SLC7A11: variants seen among roughly 807,000 people sequenced by gnomAD.
The protein encoded by SLC7A11 is cystine/glutamate transporter.
SLC7A11 carries 35 observed loss-of-function variants against 54.5 expected under a neutral mutation model. That is an observed-to-expected ratio of 0.64 (90% confidence interval 0.49 to 0.85). The LOEUF is 0.85. SLC7A11 is among the 40% of genes least tolerant of loss of function. The pLI is 0.00. For missense variants in SLC7A11, 583 were observed against 618.1 expected (o/e 0.94, Z 0.60); for synonymous variants, 230 against 225.2 (o/e 1.02, Z -0.19).
rs1212044228 is a variant in SLC7A11 at position 138,169,371 on chromosome 4, C to T, written c.*2585G>A. 1.3e-5 allele frequency: 2 copies of T among 151,896 alleles called. No individual in the cohort carries two copies. Among genetic ancestry groups the T allele is most frequent in the African/African-American group, 2.4e-5 (1 of 41,376 alleles). 9.4% of individuals were successfully genotyped at this position (151,896 alleles called of 1,614,324 possible). On this transcript the variant is annotated 3_prime_UTR_variant, in exon 12 of 12. Coordinates refer to ENST00000280612, the MANE Select transcript of SLC7A11 (RefSeq NM_014331.4). ...CTCATGATGAGTCCTAAAAATAAGC[C>T]AAAATACTACTTAATCTCCATCACT...
chr4:138,236,385 A>G lies in SLC7A11; in HGVS notation c.344T>C (p.Leu115Ser), dbSNP rs1187319968. 1 of 1,613,526 alleles carries G rather than the reference A, an allele frequency of 6.2e-7. No homozygotes were observed. The highest frequency in any genetic ancestry group is 8.5e-7 in the Non-Finnish European group (1 of 1,179,530). The part of the protein sequence containing the change: ...KKSGGHYTYI[L>S]EVFGPLPAFV... Reference sequence around the variant, plus strand: ...AGCTGGTAATGGACCAAAGACTTCCAAAATATATGTGTAATGACCTCCAGA... The same window carrying G: ...AGCTGGTAATGGACCAAAGACTTCCGAAATATATGTGTAATGACCTCCAGA... Residue 115 changes from leucine (L) to serine (S), a missense_variant, in exon 2 of 12, where the codon TTG becomes TCG. By Grantham distance (145) the Leu-to-Ser change is moderately radical (BLOSUM62 -2). Coordinates refer to ENST00000280612, the MANE Select transcript of SLC7A11 (RefSeq NM_014331.4).
rs536874917 is a variant in SLC7A11, at chr4:138,183,323, G to A, written c.916-18C>T. The A allele has an allele frequency of 7.7e-6, 12 of 1,548,512 alleles. No homozygotes were observed. Among genetic ancestry groups the A allele is most frequent in the South Asian group, 5.7e-5 (5 of 88,320 alleles). On this transcript the variant is annotated intron_variant, in intron 7 of 11. Coordinates refer to ENST00000280612, the MANE Select transcript of SLC7A11 (RefSeq NM_014331.4). Reference sequence around the variant, plus strand: ...GAAAAGGTCTAGTGAAAGAAAGAACGAAGCAAATTAATGCCTTGCCAGAAA... The same window carrying A: ...GAAAAGGTCTAGTGAAAGAAAGAACAAAGCAAATTAATGCCTTGCCAGAAA...
At chr4:138,192,014 T>G (rs907884500) in intron 6 of SLC7A11, among the ~76,000 whole-genome samples, 1 of 152,174 alleles carries the variant, frequency 6.6e-6, no homozygotes, top group Non-Finnish European at 1.5e-5. Context: ...TCTCTTAGGT[T>G]GTTTTTAATT....
intron 6 of SLC7A11, among the ~76,000 whole-genome samples, chr4:138,213,175 G>A (rs1197274148): frequency 2.0e-5 from 3 of 151,976 alleles, no homozygotes; most frequent in Non-Finnish European, 1.5e-5. Flanking sequence ...TGGTAAATAT[G>A]TGTTCTCGAC....
At chr4:138,219,516 A>G (rs1737758177) in intron 4 of SLC7A11, 151 bp from the exon 5 acceptor site, 3 of 570,224 alleles carry the variant, frequency 5.3e-6, no homozygotes. Context: ...TACTGTACCC[A>G]TTCTATAGAA....
intron 3 of SLC7A11, among the ~76,000 whole-genome samples, chr4:138,228,481 G>A (rs11722075): frequency 0.41 from 62,452 of 151,820 alleles, 13,699 homozygotes; most frequent in Middle Eastern, 0.61. Context: ...ATTACAGGTC[G>A]GGCGCGATGG....
intron 2 of SLC7A11, among the ~76,000 whole-genome samples, chr4:138,233,038 G>C (rs1024936262): frequency 6.6e-6 from 1 of 151,774 alleles, no homozygotes; most frequent in African/African-American, 2.4e-5. Flanking sequence ...ATAAATTCAG[G>C]TATATAGAAA....
rs760723682 is a variant in SLC7A11 at position 138,223,279 on chromosome 4, C to T, written c.566G>A (p.Arg189Gln). 5.6e-6 allele frequency: 9 copies of T among 1,613,438 alleles called. No individual in the cohort carries two copies. In the Middle Eastern group the frequency reaches 6.6e-4, roughly 118 times the overall value. Reference protein sequence around the residue: ...LNSMSVSWSARIQIFLTFCKL... With the variant: ...LNSMSVSWSAQIQIFLTFCKL... ...GCAAAAGGTTAAGAAAATCTGGATCCGGGCGCTCCAGCTGACACTCATGCT... is the reference window on the plus strand; with the variant it reads ...GCAAAAGGTTAAGAAAATCTGGATCTGGGCGCTCCAGCTGACACTCATGCT... Residue 189 changes from arginine (R) to glutamine (Q), a missense_variant, in exon 4 of 12, where the codon CGG (arginine) becomes CAG (glutamine). Coordinates refer to ENST00000280612, the MANE Select transcript of SLC7A11 (RefSeq NM_014331.4).
At chr4:138,217,693 A>G (rs1019877233) in intron 5 of SLC7A11, among the ~76,000 whole-genome samples, 2 of 152,324 alleles carry the variant, frequency 1.3e-5, no homozygotes, top group African/African-American at 2.4e-5. Flanking sequence ...TCGTGGTTGC[A>G]TATTGCCCGG....
At chr4:138,181,290 T>C (rs553687266) in intron 9 of SLC7A11, among the ~76,000 whole-genome samples, 1 of 152,194 alleles carries the variant, frequency 6.6e-6, no homozygotes, top group South Asian at 2.1e-4. Flanking sequence ...TGTTGGCTCT[T>C]GATTGCAAAA....
At chr4:138,206,376 G>C (rs1737405340) in intron 6 of SLC7A11, among the ~76,000 whole-genome samples, 1 of 113,410 alleles carries the variant, frequency 8.8e-6, no homozygotes, top group East Asian at 2.0e-4. Context: ...AAAACTCAAT[G>C]AGATTTATAT....
chr4:138,195,187 T>TA (rs1208450519), intron 6 of SLC7A11, among the ~76,000 whole-genome samples: 11 of 152,312 alleles, frequency 7.2e-5, no homozygotes, highest in African/African-American at 2.6e-4. Flanking sequence ...TTCTGCATTC[T>TA]AAAAAGGCTG....
At chr4:138,214,052 T>C (rs2148438778) in intron 6 of SLC7A11, among the ~76,000 whole-genome samples, 1 of 152,192 alleles carries the variant, frequency 6.6e-6, no homozygotes. Flanking sequence ...ACTTATCAAG[T>C]TGTTACCTAG....
At chr4:138,174,525 C>G (rs1293416941) in intron 11 of SLC7A11, 5 of 152,176 alleles carry the variant, frequency 3.3e-5, no homozygotes, top group Non-Finnish European at 7.3e-5. Context: ...TTGATTTTGA[C>G]CATGAGTACC....
rs577100610 is a variant in SLC7A11, at chr4:138,165,316, T to C, written c.*6640A>G. 22 of 152,738 alleles carry C rather than the reference T, an allele frequency of 1.4e-4. No individual in the cohort carries two copies. The highest frequency in any genetic ancestry group is 5.3e-4 in the African/African-American group (22 of 41,590). The allele number at this position is 152,738 out of a possible 1,614,324, so 9.5% of individuals were successfully genotyped here. A position where few individuals can be genotyped will look rare whatever the true frequency, so the allele number is the denominator to read the frequency against. On this transcript the variant is annotated 3_prime_UTR_variant, in exon 12 of 12. Coordinates refer to ENST00000280612, the MANE Select transcript of SLC7A11 (RefSeq NM_014331.4). ...CATGTAATCCATTCTACGCAAGCTC[T>C]ACAAATATTGAGTCAAATCCTGTCT...
At chr4:138,234,125 AAATCATATCTATCTT>A (rs1370012424) in intron 2 of SLC7A11, among the ~76,000 whole-genome samples, 10 of 152,210 alleles carry the variant, frequency 6.6e-5, no homozygotes, top group African/African-American at 2.4e-4. Flanking sequence ...TAAGGGTACA[AAATCATATCTATCTT>A]AATCACAGTT....
At chr4:138,183,101 A>T (rs1578634675) in intron 8 of SLC7A11, 101 bp downstream of exon 8, 2 of 783,414 alleles carry the variant, frequency 2.6e-6, no homozygotes, top group East Asian at 5.4e-5. Context: ...TTTAAAAACA[A>T]CAGGTTTGGA....
At chr4:138,211,427 CT>C (rs1272668540) in intron 6 of SLC7A11, among the ~76,000 whole-genome samples, 1 of 151,780 alleles carries the variant, frequency 6.6e-6, no homozygotes, top group African/African-American at 2.4e-5. Flanking sequence ...CTAAAATTCA[CT>C]GTTAGTGGGA....
chr4:138,222,635 A>G (rs545476199), intron 4 of SLC7A11, among the ~76,000 whole-genome samples: 10 of 152,338 alleles, frequency 6.6e-5, no homozygotes, highest in Non-Finnish European at 1.5e-4. Flanking sequence ...TGCGAATTTT[A>G]TATTAAAAAT....
Sources: gnomAD v4.1 joint callset for allele counts (sites outside exome capture counted in the v4.1 genomes callset) on GRCh38, gnomAD v4.1.1 for gene constraint, MANE v1.5 for transcripts, NCBI Gene and HGNC (gene_info 2026-07-23, HGNC 2026-07-21) for gene names.